SOX5: variants seen among roughly 807,000 people sequenced by gnomAD.
The protein encoded by SOX5 is SRY-box transcription factor 5.
A neutral mutation model predicts 92.0 loss-of-function variants in SOX5; 9 were observed. That is an observed-to-expected ratio of 0.10 (90% confidence interval 0.06 to 0.17). The LOEUF (loss-of-function observed/expected upper bound fraction) is 0.17, where lower values mean the gene tolerates loss of function less well. Ranked by LOEUF, SOX5 falls within the 10% of genes least tolerant of loss-of-function variation. SOX5 has a pLI of 1.00. For synonymous variants in SOX5, 344 were observed against 336.3 expected, an observed-to-expected ratio of 1.02 and a Z score of -0.25; for missense variants, 642 against 944.5, an observed-to-expected ratio of 0.68 and a Z score of 4.20.
At chr12:23,618,585 C>A (rs1219037562) in intron 8 of SOX5, among the ~76,000 whole-genome samples, 1 of 152,126 alleles carries the variant, frequency 6.6e-6, no homozygotes, top group Non-Finnish European at 1.5e-5. Flanking sequence ...AGTACAAGAA[C>A]CACGATTTTC....
intron 1 of SOX5, among the ~76,000 whole-genome samples, chr12:24,511,954 T>A (rs1949359572): frequency 1.1e-5 from 1 of 92,576 alleles, no homozygotes. Flanking sequence ...TGAGACTCCA[T>A]CTCAAAAAAA....
intron 1 of SOX5, among the ~76,000 whole-genome samples, chr12:24,482,786 T>C (rs1023101230): frequency 6.6e-6 from 1 of 152,192 alleles, no homozygotes; most frequent in African/African-American, 2.4e-5. Flanking sequence ...AAATGTGGAT[T>C]AATGAAACAC....
chr12:24,446,621 C>G (rs1040256341), intron 1 of SOX5, among the ~76,000 whole-genome samples: 8 of 152,152 alleles, frequency 5.3e-5, no homozygotes, highest in African/African-American at 1.9e-4. Flanking sequence ...GGCTACTGTT[C>G]AGAGGACTGA....
chr12:24,536,312 G>T (rs1951635119), intron 1 of SOX5, among the ~76,000 whole-genome samples: 1 of 152,186 alleles, frequency 6.6e-6, no homozygotes, highest in Non-Finnish European at 1.5e-5. Flanking sequence ...AACCAGCAGT[G>T]TGCTAGCACA....
chr12:23,588,278 G>A (rs917508999), intron 9 of SOX5, among the ~76,000 whole-genome samples: 73 of 152,076 alleles, frequency 4.8e-4, no homozygotes, highest in African/African-American at 1.7e-3. Flanking sequence ...TGAGCATCAG[G>A]TAAGAGTTTG....
At chr12:24,190,014 G>C (rs1192361741) in intron 4 of SOX5, among the ~76,000 whole-genome samples, 2 of 152,132 alleles carry the variant, frequency 1.3e-5, no homozygotes, top group Non-Finnish European at 2.9e-5. Context: ...TCATTACCTT[G>C]CAAGTATCTG....
intron 3 of SOX5, among the ~76,000 whole-genome samples, chr12:24,265,259 T>C (rs1330247750): frequency 6.6e-6 from 1 of 152,144 alleles, no homozygotes; most frequent in Non-Finnish European, 1.5e-5. Context: ...TCATTAGAAA[T>C]AATATGGCCA....
chr12:24,519,382 G>T (rs1950070818), intron 1 of SOX5, among the ~76,000 whole-genome samples: 1 of 152,060 alleles, frequency 6.6e-6, no homozygotes, highest in Non-Finnish European at 1.5e-5. Context: ...AGAAGAGAAG[G>T]TAAAGAGGAG....
chr12:24,002,572 A>ATTTTT (rs1951715911), intron 4 of SOX5, among the ~76,000 whole-genome samples: 2 of 131,794 alleles, frequency 1.5e-5, no homozygotes, highest in African/African-American at 3.2e-5. Context: ...TGAATTAGTA[A>ATTTTT]TTTTCTTACA....
chr12:24,100,164 G>A (rs531508248), intron 4 of SOX5, among the ~76,000 whole-genome samples: 1 of 151,772 alleles, frequency 6.6e-6, no homozygotes, highest in African/African-American at 2.4e-5. Flanking sequence ...AATATCAAAC[G>A]TTCTGTTATT....
intron 6 of SOX5, among the ~76,000 whole-genome samples, chr12:23,682,261 G>C (rs928529616): frequency 1.1e-4 from 17 of 151,708 alleles, no homozygotes; most frequent in Admixed American, 9.2e-4. Flanking sequence ...TAGATGAAAA[G>C]GGAAATCTTC....
intron 4 of SOX5, among the ~76,000 whole-genome samples, chr12:24,022,322 A>G (rs138735332): frequency 6.6e-6 from 1 of 152,166 alleles, no homozygotes; most frequent in African/African-American, 2.4e-5. Context: ...AGAGAGCATG[A>G]CAAGTGGATT....
chr12:23,549,584 C>T (rs1214204979), intron 11 of SOX5, among the ~76,000 whole-genome samples: 2 of 151,794 alleles, frequency 1.3e-5, no homozygotes, highest in Non-Finnish European at 2.9e-5. Flanking sequence ...GAATACTCGC[C>T]AGAATTCTAA....
intron 4 of SOX5, among the ~76,000 whole-genome samples, chr12:24,066,783 A>C (rs1404422679): frequency 6.6e-6 from 1 of 152,236 alleles, no homozygotes; most frequent in Non-Finnish European, 1.5e-5. Context: ...ATTTATAACT[A>C]AGCAATGGGG....
At chr12:23,993,968 G>A (rs1391432218) in intron 4 of SOX5, among the ~76,000 whole-genome samples, 1 of 151,904 alleles carries the variant, frequency 6.6e-6, no homozygotes, top group African/African-American at 2.4e-5. Context: ...TAAATAAATA[G>A]CTGGGTGTGG....
intron 3 of SOX5, among the ~76,000 whole-genome samples, chr12:24,222,112 C>T (rs1411785959): frequency 6.6e-6 from 1 of 152,160 alleles, no homozygotes; most frequent in Admixed American, 6.5e-5. Flanking sequence ...TTCAATATTT[C>T]TCAGTGAGGT....
chr12:24,541,622 G>T (rs564239601), intron 1 of SOX5, among the ~76,000 whole-genome samples: 4 of 152,220 alleles, frequency 2.6e-5, no homozygotes, highest in Admixed American at 6.5e-5. Context: ...GATGTTTCAT[G>T]GTTAATTTTT....
intron 1 of SOX5, among the ~76,000 whole-genome samples, chr12:24,424,448 T>C (rs953674411): frequency 1.3e-5 from 2 of 152,154 alleles, no homozygotes; most frequent in African/African-American, 4.8e-5. Context: ...TTGCCATAAT[T>C]GTTAGTTTTT....
upstream of SOX5, among the ~76,000 whole-genome samples, chr12:23,955,479 C>A (rs1409247456): frequency 1.3e-5 from 2 of 152,130 alleles, no homozygotes; most frequent in East Asian, 1.9e-4. Flanking sequence ...TCAGGTAAAA[C>A]CCAGGGGCCA....
Sources: allele counts gnomAD v4.1 joint callset (sites outside exome capture counted in the v4.1 genomes callset), GRCh38; gene constraint gnomAD v4.1.1; transcripts MANE v1.5; gene names NCBI Gene and HGNC (gene_info 2026-07-23, HGNC 2026-07-21).